The following ABAT variants were observed in gnomAD, a reference collection of about 807,000 sequenced individuals.
ABAT encodes the protein 4-aminobutyrate aminotransferase, also known as 4-aminobutyrate aminotransferase, mitochondrial.
In ABAT, 45 loss-of-function variants were observed where a neutral mutation model predicts 64.6. The observed-to-expected ratio is 0.70, with a 90% CI of 0.55 to 0.89. ABAT has a LOEUF of 0.89. Among genes scored for constraint, ABAT ranks in the 40% least tolerant of loss-of-function variants. The pLI is 0.00. For missense variants in ABAT, 633 were observed against 658.4 expected (o/e 0.96, Z 0.42); for synonymous variants, 297 against 250.5 (o/e 1.19, Z -1.75).
In ABAT at chr16:8,772,792, A is replaced by T; in HGVS notation, c.829A>T (p.Ile277Phe). 6.2e-7 allele frequency: 1 copy of T among 1,614,066 alleles called. No homozygotes were observed. Among genetic ancestry groups the T allele is most frequent in the South Asian group, 1.1e-5 (1 of 91,072 alleles). The change falls in exon 12 of 16, where the codon ATT becomes TTT. Residue 277 changes from isoleucine (I) to phenylalanine (F), a missense_variant. Coordinates refer to ENST00000268251, the MANE Select transcript of ABAT (RefSeq NM_020686.6). ...ARCLEEVEDL[I>F]VKYRKKKKTV... ...CTTTGGGATCCAGGTGGAGGATCTG[A>T]TTGTGAAATATCGGAAAAAGAAGAA...
At chr16:8,769,137 T>C (rs62031110) in intron 11 of ABAT, among the ~76,000 whole-genome samples, 164 bp downstream of exon 11, 1 of 152,178 alleles carries the variant, frequency 6.6e-6, no homozygotes, top group Non-Finnish European at 1.5e-5. Context: ...CCAAATGTTC[T>C]ATGTTGGGAG....
chr16:8,768,382 G>C, intron 10 of ABAT, 126 bp downstream of exon 10: 8 of 981,452 alleles, frequency 8.2e-6, no homozygotes, highest in Non-Finnish European at 1.3e-5. Context: ...TCCCACTGCA[G>C]AGTGGGGATT....
chr16:8,766,153 A>G (rs967448043), intron 8 of ABAT, 55 bp from the exon 9 acceptor site: 4 of 1,552,906 alleles, frequency 2.6e-6, no homozygotes, highest in Admixed American at 3.3e-5. Context: ...TGGAAAGATG[A>G]AGCCCCGACT....
At chr16:8,754,732 T>C (rs2059603125) in intron 5 of ABAT, among the ~76,000 whole-genome samples, 1 of 150,506 alleles carries the variant, frequency 6.6e-6, no homozygotes, top group South Asian at 2.1e-4. Context: ...CTTTTTTTTT[T>C]CTTGAAAACG....
At chr16:8,679,759 A>G (rs1187426899) in intron 1 of ABAT, among the ~76,000 whole-genome samples, 1 of 152,090 alleles carries the variant, frequency 6.6e-6, no homozygotes, top group African/African-American at 2.4e-5. Context: ...AAGAATGCTT[A>G]GCAGGCTGAA....
chr16:8,696,766 C>G (rs1222712165), intron 1 of ABAT, among the ~76,000 whole-genome samples: 27 of 152,176 alleles, frequency 1.8e-4, no homozygotes, highest in Admixed American at 1.8e-3. Flanking sequence ...AGCCGGGTGC[C>G]TGGGGGGCAG....
chr16:8,762,586 A>T (rs1239745573), intron 6 of ABAT, among the ~76,000 whole-genome samples: 4 of 152,176 alleles, frequency 2.6e-5, no homozygotes, highest in Non-Finnish European at 5.9e-5. Flanking sequence ...CCTGATACCC[A>T]ATGTCCCAGA....
At chr16:8,720,777 TC>T (rs995094863) in intron 1 of ABAT, 5 of 152,288 alleles carry the variant, frequency 3.3e-5, no homozygotes, top group African/African-American at 1.2e-4. Flanking sequence ...GAAAGGAATG[TC>T]CTCAGCGTCT....
At position 8,766,290 on chromosome 16, in the gene ABAT, C is replaced by T. The variant is rs1490534194; in HGVS notation, c.603+20C>T. On this transcript the variant is annotated intron_variant, in intron 9 of 15. Coordinates refer to ENST00000268251, the MANE Select transcript of ABAT (RefSeq NM_020686.6). The stretch of plus-strand genomic sequence containing the variant: ...AACCAGGTGAGTGCAGCTGGGCTTG[C>T]ACCACGTACATCTGGGGAAGCTGCA... The T allele has an allele frequency of 1.9e-6, 3 of 1,611,776 alleles. No homozygotes were observed. Among genetic ancestry groups the T allele is most frequent in the Admixed American group, 1.7e-5 (1 of 59,878 alleles).
chr16:8,772,694 G>A, intron 11 of ABAT, 86 bp from the exon 12 acceptor site: 1 of 1,559,962 alleles, frequency 6.4e-7, no homozygotes, highest in Admixed American at 1.7e-5. Context: ...AAAATTGCAT[G>A]GGGCTCATCG....
At chr16:8,698,789 T>C (rs2057758478) in intron 1 of ABAT, among the ~76,000 whole-genome samples, 1 of 151,714 alleles carries the variant, frequency 6.6e-6, no homozygotes, top group Non-Finnish European at 1.5e-5. Context: ...ACAAAAAAAA[T>C]ACAAAAATTA....
chr16:8,776,994 GT>G lies in ABAT; in HGVS notation c.1269+506del. ...GCTCACCGCAACCGCTGCCTCCTGG[GT>G]TCAGGAGATTCTCCGGCCTCAGCCT... On this transcript the variant is annotated intron_variant, in intron 14 of 15. Coordinates refer to ENST00000268251, the MANE Select transcript of ABAT (RefSeq NM_020686.6). This position sits in a 1 kb window ranked among gnomAD's most constrained non-coding sequence, Gnocchi z 4.4. 6.6e-6 allele frequency among the ~76,000 whole-genome samples: 1 copy of G among 152,306 alleles called. No homozygotes were observed. Among genetic ancestry groups the G allele is most frequent in the South Asian group, 2.1e-4 (1 of 4,830 alleles).
intron 2 of ABAT, among the ~76,000 whole-genome samples, chr16:8,737,934 A>AG (rs2059002114): frequency 1.2e-5 from 1 of 84,060 alleles, no homozygotes; most frequent in Admixed American, 1.2e-4. Flanking sequence ...AAAAAAAAAA[A>AG]GAAAGGAAAG....
At chr16:8,746,756 G>C (rs886714467) in intron 3 of ABAT, among the ~76,000 whole-genome samples, 2 of 151,960 alleles carry the variant, frequency 1.3e-5, no homozygotes, top group Admixed American at 1.3e-4. Flanking sequence ...TCACAGAGGA[G>C]ATGTATCAGT....
intron 1 of ABAT, among the ~76,000 whole-genome samples, chr16:8,709,014 T>C (rs2058011997): frequency 6.6e-6 from 1 of 152,112 alleles, no homozygotes; most frequent in African/African-American, 2.4e-5. Context: ...CTCATCTGAA[T>C]GGGGGTGTGC....
intron 2 of ABAT, chr16:8,736,095 C>T (rs529521002): frequency 1.5e-5 from 7 of 452,472 alleles, no homozygotes; most frequent in East Asian, 1.3e-4. Flanking sequence ...TCTTACATGG[C>T]TACAGGCAAG....
At chr16:8,753,225 C>G (rs1296400171) in intron 5 of ABAT, among the ~76,000 whole-genome samples, 1 of 152,070 alleles carries the variant, frequency 6.6e-6, no homozygotes, top group Non-Finnish European at 1.5e-5. Context: ...TCCCAAGTAG[C>G]TGGGACTACA....
At position 8,720,558 on chromosome 16, in the gene ABAT, G is replaced by T. The variant is rs184665147; in HGVS notation, c.-41-15141G>T. ...AGAGGCTGTTGCAGCTGAAGTCGGA[G>T]GAGAAAAGTGGATGTGAGATAAAGC... On this transcript the variant is annotated intron_variant, in intron 1 of 15. Coordinates refer to ENST00000268251, the MANE Select transcript of ABAT (RefSeq NM_020686.6). Among the ~76,000 whole-genome samples, 932 of 152,354 alleles carry T rather than the reference G, an allele frequency of 6.1e-3. 4 individuals carry two copies. The highest frequency in any genetic ancestry group is 9.6e-3 in the Non-Finnish European group (651 of 68,032).
At chr16:8,693,203 C>T (rs891308666) in intron 1 of ABAT, among the ~76,000 whole-genome samples, 6 of 152,126 alleles carry the variant, frequency 3.9e-5, no homozygotes, top group African/African-American at 1.2e-4. Flanking sequence ...TAATAGCATC[C>T]GGCTAACCTG....
Sources: allele counts gnomAD v4.1 joint callset (sites outside exome capture counted in the v4.1 genomes callset), GRCh38; gene constraint gnomAD v4.1.1; non-coding constraint Gnocchi (gnomAD v3.1); transcripts MANE v1.5; gene names NCBI Gene and HGNC (gene_info 2026-07-23, HGNC 2026-07-21).